IL7: variants seen among roughly 807,000 people sequenced by gnomAD.
IL7 encodes the protein interleukin 7.
IL7 carries 3 observed loss-of-function variants against 21.6 expected under a neutral mutation model. That is an observed-to-expected ratio of 0.14 (90% confidence interval 0.06 to 0.36). IL7 has a LOEUF of 0.36. Ranked by LOEUF, IL7 falls within the 10% of genes least tolerant of loss-of-function variation. The pLI is 1.00. For missense variants in IL7, 175 were observed against 200.2 expected (o/e 0.87, Z 0.76); for synonymous variants, 62 against 68.1 (o/e 0.91, Z 0.44).
At chr8:78,722,615 C>G (rs1436840154) in intron 3 of IL7, among the ~76,000 whole-genome samples, 2 of 151,892 alleles carry the variant, frequency 1.3e-5, no homozygotes, top group East Asian at 1.9e-4. Flanking sequence ...CCATCTGTCC[C>G]CTTTCATAGC....
chr8:78,736,663 G>C (rs1811606764), intron 4 of IL7, 136 bp from the exon 5 acceptor site: 1 of 554,278 alleles, frequency 1.8e-6, no homozygotes, highest in East Asian at 3.0e-5. Flanking sequence ...TTATTGTTAA[G>C]AAAGTAAAAT....
chr8:78,760,828 T>C, intron 2 of IL7: 1 of 1,550,880 alleles, frequency 6.4e-7, no homozygotes. Flanking sequence ...CAAACCAAAA[T>C]TCATTATAAA....
At chr8:78,744,336 G>A (rs918484517) in intron 2 of IL7, among the ~76,000 whole-genome samples, 1 of 152,200 alleles carries the variant, frequency 6.6e-6, no homozygotes, top group African/African-American at 2.4e-5. Flanking sequence ...GGATGGCTCA[G>A]GGACCTGCTT....
At chr8:78,801,015 G>A (rs930880992) in intron 1 of IL7, among the ~76,000 whole-genome samples, 2 of 152,230 alleles carry the variant, frequency 1.3e-5, no homozygotes, top group Admixed American at 6.5e-5. Context: ...TTCACCGGAT[G>A]GCATTTTGTG....
chr8:78,773,585 A>G (rs1813036119), intron 2 of IL7, among the ~76,000 whole-genome samples: 1 of 152,140 alleles, frequency 6.6e-6, no homozygotes, highest in South Asian at 2.1e-4. Flanking sequence ...GGGGCAATAC[A>G]GAGTGGCAAG....
chr8:78,798,498 A>C (rs1174995667), intron 1 of IL7, among the ~76,000 whole-genome samples: 1 of 152,090 alleles, frequency 6.6e-6, no homozygotes, highest in Non-Finnish European at 1.5e-5. Context: ...CAGGGTGTTA[A>C]TCAATTTGAA....
chr8:78,803,256 C>T (rs963354904), intron 1 of IL7, among the ~76,000 whole-genome samples: 2 of 152,082 alleles, frequency 1.3e-5, no homozygotes, highest in Non-Finnish European at 2.9e-5. Context: ...CCTTGACTTC[C>T]AGGCTCAAGC....
intron 2 of IL7, among the ~76,000 whole-genome samples, chr8:78,779,412 T>C (rs535868146): frequency 1.5e-4 from 23 of 152,338 alleles, no homozygotes; most frequent in Non-Finnish European, 2.5e-4. Context: ...GTATGTTCCA[T>C]CAATATCTAG....
intron 1 of IL7, among the ~76,000 whole-genome samples, chr8:78,801,045 TG>T (rs772394666): frequency 2.4e-4 from 36 of 152,354 alleles, no homozygotes; most frequent in Middle Eastern, 3.4e-3. Context: ...CAATGAGGGT[TG>T]CTGGAAAATT....
Position 78,738,391 on chromosome 8 carries a change from T to C in IL7, c.360+113A>G, listed in dbSNP as rs1811661892. ...TGAGTAAACATACTTCAACTTTAGA[T>C]GATAATAAACACTTAGGATTCTATG... On this transcript the variant is annotated intron_variant, in intron 4 of 5. Coordinates refer to ENST00000263851, the MANE Select transcript of IL7 (RefSeq NM_000880.4). 1.3e-5 allele frequency: 11 copies of C among 872,778 alleles called. No homozygotes were observed. The South Asian group carries it at 2.6e-4, about 21-fold the overall frequency. The allele number at this position is 872,778 out of a possible 1,614,324, so 54.1% of individuals were successfully genotyped here. A position where few individuals can be genotyped will look rare whatever the true frequency, so the allele number is the denominator to read the frequency against.
chr8:78,750,606 G>C (rs906858932), intron 2 of IL7, among the ~76,000 whole-genome samples: 1 of 152,130 alleles, frequency 6.6e-6, no homozygotes, highest in Non-Finnish European at 1.5e-5. Flanking sequence ...GGCAGATCAC[G>C]AGGTCAGGAG....
intron 2 of IL7, among the ~76,000 whole-genome samples, chr8:78,759,065 C>CCA (rs1812453127): frequency 6.7e-6 from 1 of 150,330 alleles, no homozygotes; most frequent in African/African-American, 2.5e-5. Flanking sequence ...ATTCCCCCCC[C>CCA]CACCTTTTTT....
intron 3 of IL7, among the ~76,000 whole-genome samples, chr8:78,696,951 T>C (rs1036605274): frequency 1.3e-5 from 2 of 152,200 alleles, no homozygotes; most frequent in African/African-American, 4.8e-5. Context: ...TTGAGGAAGT[T>C]TTTTCCGTTA....
At chr8:78,697,903 C>T (rs1810480629) in intron 3 of IL7, among the ~76,000 whole-genome samples, 1 of 152,130 alleles carries the variant, frequency 6.6e-6, no homozygotes, top group African/African-American at 2.4e-5. Flanking sequence ...TAATCTCTAT[C>T]TCCTGAACTC....
At chr8:78,735,293 G>GTTTTTTTTTTTTTTTTTTGT (rs33976248) in intron 5 of IL7, among the ~76,000 whole-genome samples, 6 of 69,576 alleles carry the variant, frequency 8.6e-5, no homozygotes, top group African/African-American at 1.1e-4. Flanking sequence ...TTTTTTTTTT[G>GTTTTTTTTTTTTTTTTTTGT]TTTTTTTTTT....
At chr8:78,701,731 C>G (rs148350421) in intron 3 of IL7, among the ~76,000 whole-genome samples, 1 of 152,166 alleles carries the variant, frequency 6.6e-6, no homozygotes, top group African/African-American at 2.4e-5. Context: ...AAAACCTTTT[C>G]GTCATCTATT....
At chr8:78,793,175 T>A (rs1269470939) in intron 2 of IL7, among the ~76,000 whole-genome samples, 7 of 152,136 alleles carry the variant, frequency 4.6e-5, no homozygotes, top group Non-Finnish European at 1.0e-4. Flanking sequence ...ATGTGAAATG[T>A]CCAGAATAGG....
chr8:78,761,897 C>T lies in IL7; in HGVS notation c.148-21815G>A, dbSNP rs2130764559. 1.9e-5 allele frequency: 31 copies of T among 1,611,400 alleles called. No individual in the cohort carries two copies. In the South Asian group the frequency reaches 3.2e-4, roughly 17 times the overall value. The stretch of plus-strand genomic sequence containing the variant: ...TCCGTCCAGAGGTATGTTTTGCCTT[C>T]CCATCAGAATCAAGATTTCAAGTAG... On this transcript the variant is annotated intron_variant, in intron 2 of 5. Coordinates refer to ENST00000263851, the MANE Select transcript of IL7 (RefSeq NM_000880.4).
intron 3 of IL7, chr8:78,686,507 A>G: frequency 6.5e-7 from 1 of 1,546,384 alleles, no homozygotes; most frequent in Non-Finnish European, 8.7e-7. Context: ...AGAAGGAAAC[A>G]TGAAGAATTC....
Sources: allele counts gnomAD v4.1 joint callset (sites outside exome capture counted in the v4.1 genomes callset), GRCh38; gene constraint gnomAD v4.1.1; transcripts MANE v1.5; gene names NCBI Gene and HGNC (gene_info 2026-07-23, HGNC 2026-07-21).